The following ANKRD20A1 variants were observed in gnomAD, a reference collection of about 807,000 sequenced individuals.
ANKRD20A1 encodes the protein ankyrin repeat domain-containing protein 20A1.
ANKRD20A1 carries 2 observed loss-of-function variants against 50.9 expected under a neutral mutation model. The ratio of observed to expected loss-of-function variants is 0.04; its 90% CI spans 0.02 to 0.12. ANKRD20A1 has a LOEUF of 0.12. Among genes scored for constraint, ANKRD20A1 ranks in the 10% least tolerant of loss-of-function variants. The pLI is 1.00. For synonymous variants in ANKRD20A1, 10 were observed against 186.2 expected (o/e 0.05, Z 7.70); for missense variants, 31 against 548.1 (o/e 0.06, Z 9.42).
At chr9:67,882,713 G>A (rs1429371322) in intron 8 of ANKRD20A1, among the ~76,000 whole-genome samples, 3 of 132,108 alleles carry the variant, frequency 2.3e-5, no homozygotes, top group Non-Finnish European at 4.9e-5. Flanking sequence ...GTGTATACAC[G>A]TGCCATGTTG....
intron 8 of ANKRD20A1, among the ~76,000 whole-genome samples, chr9:67,881,336 T>A (rs1341568087): frequency 1.1e-4 from 17 of 148,660 alleles, no homozygotes; most frequent in African/African-American, 3.9e-4. Flanking sequence ...GAGTTGTCCA[T>A]GAAGAGTTTA....
chr9:67,887,751 T>G (rs1827898033), intron 11 of ANKRD20A1, among the ~76,000 whole-genome samples: 1 of 75,064 alleles, frequency 1.3e-5, no homozygotes, highest in Non-Finnish European at 2.9e-5. Context: ...ATTTTGAGAC[T>G]CTAAGATATT....
rs1828040880 is a variant in ANKRD20A1, at chr9:67,899,081, A to G, written c.1317-66A>G. 2.6e-6 allele frequency: 2 copies of G among 768,418 alleles called. 1 individual carries two copies. Among genetic ancestry groups the G allele is most frequent in the Non-Finnish European group, 3.4e-6 (2 of 587,834 alleles). 47.6% of individuals were successfully genotyped at this position (768,418 alleles called of 1,614,324 possible). On this transcript the variant is annotated intron_variant, in intron 13 of 14. Transcript: ENST00000562196. ...GATAATAAACAACATCTGCAGAGGTAGGTAACAGGATGAACTCCTTATTTT... is the reference window on the plus strand; with the variant it reads ...GATAATAAACAACATCTGCAGAGGTGGGTAACAGGATGAACTCCTTATTTT...
intron 9 of ANKRD20A1, among the ~76,000 whole-genome samples, chr9:67,885,336 A>G (rs1364519025): frequency 6.6e-6 from 1 of 152,286 alleles, no homozygotes; most frequent in Non-Finnish European, 1.5e-5. Context: ...TTACAGTAAC[A>G]TTTTCCTTCT....
At position 67,884,612 on chromosome 9, in the gene ANKRD20A1, C is replaced by T. The variant is rs371872178; in HGVS notation, c.979+42C>T. On this transcript the variant is annotated intron_variant, in intron 9 of 14. Transcript: ENST00000562196. ...ATTTAAAAAGTCATCTGATGGAGGCCGGGTGCGGTGGCTCACGCCTGTAAT... is the reference window on the plus strand; with the variant it reads ...ATTTAAAAAGTCATCTGATGGAGGCTGGGTGCGGTGGCTCACGCCTGTAAT... 1,796 of 1,588,892 alleles carry T rather than the reference C, an allele frequency of 1.1e-3. 19 individuals are homozygous for T. The highest frequency in any genetic ancestry group is 7.5e-3 in the African/African-American group (557 of 74,072).
chr9:67,895,853 T>C (rs1827996793), intron 12 of ANKRD20A1, among the ~76,000 whole-genome samples: 1 of 89,086 alleles, frequency 1.1e-5, no homozygotes, highest in African/African-American at 3.4e-5. Flanking sequence ...TTATCAATTA[T>C]TTGATTTAGT....
At position 67,884,762 on chromosome 9, in the gene ANKRD20A1, C is replaced by T. The variant is rs373091985; in HGVS notation, c.979+192C>T. On this transcript the variant is annotated intron_variant, in intron 9 of 14. Coordinates refer to ENST00000562196, the MANE Select transcript of ANKRD20A1 (RefSeq NM_032250.5). The stretch of plus-strand genomic sequence containing the variant: ...AAAACTAGCCAGGTGTTGTTGTGGG[C>T]GCCTGTAGTCCCAGCTACTCAGGAG... Among the ~76,000 whole-genome samples the T allele has an allele frequency of 9.8e-4, 147 of 150,642 alleles. 1 individual carries two copies. In the East Asian group the frequency reaches 0.015, roughly 15 times the overall value.
intron 8 of ANKRD20A1, among the ~76,000 whole-genome samples, chr9:67,881,979 A>G (rs1404210273): frequency 1.5e-5 from 2 of 132,934 alleles, no homozygotes; most frequent in African/African-American, 5.1e-5. Context: ...TGTAAGAAGC[A>G]TTTTACTTGT....
chr9:67,863,073 CT>C lies in ANKRD20A1; in HGVS notation c.318+22del. 2.5e-6 allele frequency: 1 copy of C among 398,200 alleles called. No individual in the cohort carries two copies. The highest frequency in any genetic ancestry group is 3.7e-6 in the Non-Finnish European group (1 of 268,376). The allele number at this position is 398,200 out of a possible 1,614,324, so 24.7% of individuals were successfully genotyped here. A position where few individuals can be genotyped will look rare whatever the true frequency, so the allele number is the denominator to read the frequency against. On this transcript the variant is annotated intron_variant, in intron 2 of 14. Coordinates refer to ENST00000562196, the MANE Select transcript of ANKRD20A1 (RefSeq NM_032250.5). Reference sequence around the variant, plus strand: ...TGATACAGGTATATTAGAGCCAACTCTTTTAGCATGACATGGATTTGATTTA... The same window carrying C: ...TGATACAGGTATATTAGAGCCAACTCTTTAGCATGACATGGATTTGATTTA...
intron 13 of ANKRD20A1, 71 bp downstream of exon 13, chr9:67,897,793 T>TTTTTA: frequency 3.2e-5 from 23 of 711,004 alleles, no homozygotes; most frequent in Non-Finnish European, 4.4e-5. Context: ...TTTGTTTTTT[T>TTTTTA]GAGATGGAGT....
rs1442473190 is a variant in ANKRD20A1, at chr9:67,900,404, G to C, written c.1498-89G>C. ...ATCCACTTATGGTAAACTTTTTAGTGGTACGGATGTGCAGGTTATTCTTTA... is the reference window on the plus strand; with the variant it reads ...ATCCACTTATGGTAAACTTTTTAGTCGTACGGATGTGCAGGTTATTCTTTA... On this transcript the variant is annotated intron_variant, in intron 14 of 14. Coordinates refer to ENST00000562196, the MANE Select transcript of ANKRD20A1 (RefSeq NM_032250.5). The C allele has an allele frequency of 6.5e-5, 30 of 461,636 alleles. 9 individuals are homozygous for C. The Admixed American group carries it at 7.5e-4, about 12-fold the overall frequency. The allele number at this position is 461,636 out of a possible 1,614,324, so 28.6% of individuals were successfully genotyped here. A position where few individuals can be genotyped will look rare whatever the true frequency, so the allele number is the denominator to read the frequency against.
chr9:67,889,123 T>C (rs1457417019), intron 11 of ANKRD20A1, among the ~76,000 whole-genome samples: 2 of 142,662 alleles, frequency 1.4e-5, no homozygotes, highest in East Asian at 2.4e-4. Context: ...TGTGCTACCA[T>C]ACCCTGCTAA....
chr9:67,881,593 C>T (rs1587601582), intron 8 of ANKRD20A1, among the ~76,000 whole-genome samples: 2 of 152,246 alleles, frequency 1.3e-5, no homozygotes, highest in East Asian at 3.9e-4. Context: ...GTGGTGAAAC[C>T]CTGTCTCTAA....
At chr9:67,893,842 G>T (rs1456312205) in intron 12 of ANKRD20A1, among the ~76,000 whole-genome samples, 1 of 151,256 alleles carries the variant, frequency 6.6e-6, no homozygotes, top group Non-Finnish European at 1.5e-5. Flanking sequence ...TGAAATATTG[G>T]GTCATATTAT....
At chr9:67,881,061 C>T (rs6423988) in intron 8 of ANKRD20A1, among the ~76,000 whole-genome samples, 103,722 of 138,908 alleles carry the variant, frequency 0.75, 34,558 homozygotes, top group East Asian at 0.88. Context: ...ATTGTTTTTA[C>T]GAGAGATTGT....
chr9:67,892,711 A>C (rs1000594903), intron 11 of ANKRD20A1, among the ~76,000 whole-genome samples: 6 of 134,076 alleles, frequency 4.5e-5, no homozygotes, highest in Non-Finnish European at 9.8e-5. Context: ...CTGCAACCTC[A>C]AACTCCTGGG....
At chr9:67,889,205 G>T (rs1210653638) in intron 11 of ANKRD20A1, among the ~76,000 whole-genome samples, 1 of 91,554 alleles carries the variant, frequency 1.1e-5, no homozygotes, top group Non-Finnish European at 2.4e-5. Flanking sequence ...GATCTCAGGT[G>T]ATCTGCCTGC....
intron 5 of ANKRD20A1, among the ~76,000 whole-genome samples, chr9:67,868,934 G>T (rs1587597170): frequency 1.6e-5 from 1 of 61,232 alleles, no homozygotes; most frequent in Non-Finnish European, 3.6e-5. Context: ...GGCTGGTCTT[G>T]AACTTTTGAG....
chr9:67,882,309 C>T (rs111711651), intron 8 of ANKRD20A1, among the ~76,000 whole-genome samples: 3,408 of 150,236 alleles, frequency 0.023, 37 homozygotes, highest in Non-Finnish European at 0.035. Context: ...AATAAATAGA[C>T]AAATGAATTT....
Sources: gnomAD v4.1 joint callset for allele counts (sites outside exome capture counted in the v4.1 genomes callset) on GRCh38, gnomAD v4.1.1 for gene constraint, MANE v1.5 for transcripts, NCBI Gene and HGNC (gene_info 2026-07-23, HGNC 2026-07-21) for gene names.